The following GNAI3 variants were observed in gnomAD, a reference collection of about 807,000 sequenced individuals.
GNAI3 encodes G protein subunit alpha i3.
GNAI3 carries 12 observed loss-of-function variants against 41.8 expected under a neutral mutation model. The ratio of observed to expected loss-of-function variants is 0.29; its 90% CI spans 0.18 to 0.47. GNAI3 has a LOEUF of 0.47. Ranked by LOEUF, GNAI3 falls within the 20% of genes least tolerant of loss-of-function variation. GNAI3 has a pLI of 1.00. For missense variants in GNAI3, 360 were observed against 429.6 expected (o/e 0.84, Z 1.43); for synonymous variants, 132 against 146.5 (o/e 0.90, Z 0.71).
intron 1 of GNAI3, among the ~76,000 whole-genome samples, chr1:109,572,732 A>G (rs1023711885): frequency 6.6e-6 from 1 of 152,176 alleles, no homozygotes; most frequent in African/African-American, 2.4e-5. Context: ...GATGGAAAAT[A>G]GTATAGTAAG....
intron 7 of GNAI3, chr1:109,591,567 A>T (rs943477427): frequency 3.1e-6 from 2 of 648,680 alleles, no homozygotes; most frequent in South Asian, 1.6e-5. Flanking sequence ...TTTGCGTGTC[A>T]TCCTTGCGCG....
chr1:109,579,121 A>C, intron 3 of GNAI3, 83 bp from the exon 4 acceptor site: 1 of 1,078,638 alleles, frequency 9.3e-7, no homozygotes, highest in Non-Finnish European at 1.4e-6. Context: ...ATAACATGTA[A>C]TGTGTCTATA....
chr1:109,552,767 C>G (rs914225713), intron 1 of GNAI3, among the ~76,000 whole-genome samples: 3 of 151,132 alleles, frequency 2.0e-5, no homozygotes, highest in Non-Finnish European at 2.9e-5. Context: ...TTTTTTTCAC[C>G]AAGCTCTTTC....
At chr1:109,556,586 T>A (rs1039793541) in intron 1 of GNAI3, among the ~76,000 whole-genome samples, 1 of 152,224 alleles carries the variant, frequency 6.6e-6, no homozygotes, top group African/African-American at 2.4e-5. Flanking sequence ...ATTAATGAAC[T>A]ATATCCTGCT....
intron 1 of GNAI3, among the ~76,000 whole-genome samples, chr1:109,564,878 G>C (rs139650935): frequency 2.0e-5 from 3 of 152,108 alleles, no homozygotes; most frequent in Admixed American, 2.0e-4. Flanking sequence ...TTTGGTAATC[G>C]GTATGTGATT....
At chr1:109,586,033 T>G (rs773798714) in intron 5 of GNAI3, among the ~76,000 whole-genome samples, 183 bp from the exon 6 acceptor site, 1 of 152,226 alleles carries the variant, frequency 6.6e-6, no homozygotes, top group Non-Finnish European at 1.5e-5. Flanking sequence ...AGTTTTATTT[T>G]CTCATGTTGT....
At chr1:109,557,941 A>G (rs534703267) in intron 1 of GNAI3, among the ~76,000 whole-genome samples, 1 of 152,342 alleles carries the variant, frequency 6.6e-6, no homozygotes, top group South Asian at 2.1e-4. Flanking sequence ...TTAATGTTTA[A>G]TAAAGAGATG....
chr1:109,573,602 G>T, intron 1 of GNAI3, 135 bp from the exon 2 acceptor site: 1 of 658,808 alleles, frequency 1.5e-6, no homozygotes, highest in Non-Finnish European at 2.7e-6. Context: ...ACATTTTCTT[G>T]ATAGACATGA....
chr1:109,570,823 A>G (rs1459268395), intron 1 of GNAI3, among the ~76,000 whole-genome samples: 1 of 152,224 alleles, frequency 6.6e-6, no homozygotes, highest in African/African-American at 2.4e-5. Flanking sequence ...GATTTTGAGT[A>G]TAATTGAAGA....
chr1:109,561,851 G>A (rs1215032562), intron 1 of GNAI3, among the ~76,000 whole-genome samples: 2 of 151,978 alleles, frequency 1.3e-5, no homozygotes, highest in East Asian at 1.9e-4. Flanking sequence ...TTTACTAAGC[G>A]AGAAGCTGGG....
chr1:109,576,579 T>C (rs986439489), intron 3 of GNAI3, among the ~76,000 whole-genome samples: 10 of 151,804 alleles, frequency 6.6e-5, no homozygotes, highest in Non-Finnish European at 1.5e-4. Context: ...AGTGCAATGG[T>C]GTGACCTTGG....
Position 109,593,251 on chromosome 1 carries a change from G to T in GNAI3, c.*929G>T, listed in dbSNP as rs1208530362. 8.5e-5 allele frequency: 13 copies of T among 152,636 alleles called. No individual in the cohort carries two copies. The highest frequency in any genetic ancestry group is 6.5e-4 in the Admixed American group (10 of 15,282). The allele number at this position is 152,636 out of a possible 1,614,324, so 9.5% of individuals were successfully genotyped here. A position where few individuals can be genotyped will look rare whatever the true frequency, so the allele number is the denominator to read the frequency against. ...AGTTATAGGGAGTTTTGTACATGGT[G>T]CCTCTTGTTTTCCATCTTCATGGCC... On this transcript the variant is annotated 3_prime_UTR_variant, in exon 9 of 9. Coordinates refer to ENST00000369851, the MANE Select transcript of GNAI3 (RefSeq NM_006496.4).
Position 109,583,117 on chromosome 1 carries a change from T to C in GNAI3, c.590+552T>C, listed in dbSNP as rs550847325. Reference sequence around the variant, plus strand: ...CATAGTGTCATGTACAATTAACTTCTTAATACAGTGCAGAATGGAAAATAG... The same window carrying C: ...CATAGTGTCATGTACAATTAACTTCCTAATACAGTGCAGAATGGAAAATAG... On this transcript the variant is annotated intron_variant, in intron 5 of 8. Transcript: ENST00000369851. 3.3e-5 allele frequency among the ~76,000 whole-genome samples: 5 copies of C among 152,368 alleles called. No homozygotes were observed. In the East Asian group the frequency reaches 9.6e-4, roughly 29 times the overall value.
At chr1:109,558,290 G>T (rs1339884465) in intron 1 of GNAI3, among the ~76,000 whole-genome samples, 8 of 152,054 alleles carry the variant, frequency 5.3e-5, no homozygotes, top group Non-Finnish European at 8.8e-5. Context: ...AGGCGTGGTG[G>T]TGCACACCTG....
Position 109,586,739 on chromosome 1 carries a change from A to T in GNAI3, c.731A>T (p.His244Leu). The T allele has an allele frequency of 2.5e-6, 4 of 1,600,378 alleles. No homozygotes were observed. The highest frequency in any genetic ancestry group is 3.4e-6 in the Non-Finnish European group (4 of 1,171,952). Residue 244 changes from histidine (H) to leucine (L), a missense_variant, in exon 7 of 9, where the codon CAT (histidine) becomes CTT (leucine). Physicochemically the swap from His to Leu is moderately conservative, Grantham distance 99. Transcript: ENST00000369851. ...TTATTTCTTTTTCAGAACCGAATGC[A>T]TGAAAGCATGAAACTGTTTGACAGC... is the stretch of plus-strand genomic sequence containing the variant. Reference protein sequence around the residue: ...LAEDEEMNRMHESMKLFDSIC... With the variant: ...LAEDEEMNRMLESMKLFDSIC...
chr1:109,548,816 A>C lies in GNAI3; in HGVS notation c.96A>C (p.Lys32Asn). 1.2e-6 allele frequency: 2 copies of C among 1,609,546 alleles called. No individual in the cohort carries two copies. The highest frequency in any genetic ancestry group is 2.2e-5 in the East Asian group (1 of 44,776). Residue 32 changes from lysine to asparagine, a missense_variant, in exon 1 of 9, where the codon AAA (lysine) becomes AAC (asparagine). Coordinates refer to ENST00000369851, the MANE Select transcript of GNAI3 (RefSeq NM_006496.4). ...NLREDGEKAAKEVKLLLLGAG... is the reference protein window; with the variant it reads ...NLREDGEKAANEVKLLLLGAG... ...GGGAGGACGGGGAAAAAGCGGCCAA[A>C]GAAGTGAAGCTGCTGCTACTCGGTG...
chr1:109,583,576 A>T (rs1180366492), intron 5 of GNAI3, among the ~76,000 whole-genome samples: 1 of 151,696 alleles, frequency 6.6e-6, no homozygotes, highest in African/African-American at 2.4e-5. Flanking sequence ...CTTTCTCATT[A>T]GCATTAGTAA....
At chr1:109,558,624 T>G (rs1444529636) in intron 1 of GNAI3, among the ~76,000 whole-genome samples, 1 of 152,166 alleles carries the variant, frequency 6.6e-6, no homozygotes, top group African/African-American at 2.4e-5. Context: ...GGCTTTTTTT[T>G]TGTGCTAATT....
At chr1:109,567,299 C>G (rs894223614) in intron 1 of GNAI3, among the ~76,000 whole-genome samples, 2 of 152,070 alleles carry the variant, frequency 1.3e-5, no homozygotes, top group African/African-American at 4.8e-5. Context: ...TTTAAGATTT[C>G]TATATAGAAA....
Sources: gnomAD v4.1 joint callset for allele counts (sites outside exome capture counted in the v4.1 genomes callset) on GRCh38, gnomAD v4.1.1 for gene constraint, MANE v1.5 for transcripts, NCBI Gene and HGNC (gene_info 2026-07-23, HGNC 2026-07-21) for gene names.